The following APLF variants were observed in gnomAD, a reference collection of about 807,000 sequenced individuals.
APLF encodes the protein aprataxin and PNK-like factor.
Under a neutral mutation model 55.6 loss-of-function variants are expected in APLF, and 61 were observed. That is an observed-to-expected ratio of 1.10 (90% confidence interval 0.89 to 1.36). APLF has a LOEUF of 1.36. Among genes scored for constraint, APLF ranks in the 40% most tolerant of loss-of-function variants. The probability of loss-of-function intolerance (pLI) is 0.00; values close to 1 mark genes in which losing one functional copy is unlikely to be tolerated. For missense variants in APLF, 611 were observed against 602.5 expected, an observed-to-expected ratio of 1.01 and a Z score of -0.15; for synonymous variants, 207 against 214.8, an observed-to-expected ratio of 0.96 and a Z score of 0.32.
At chr2:68,478,017 G>A (rs994015868) in intron 1 of APLF, among the ~76,000 whole-genome samples, 112 of 151,748 alleles carry the variant, frequency 7.4e-4, no homozygotes, top group African/African-American at 2.7e-3. Context: ...AAAAAAAAAA[G>A]GTGATGTCTC....
chr2:68,530,755 G>GACAT (rs1311226984), intron 6 of APLF, among the ~76,000 whole-genome samples: 2 of 152,096 alleles, frequency 1.3e-5, no homozygotes, highest in Admixed American at 6.5e-5. Context: ...CCAAGAGAGG[G>GACAT]ACATACTCTT....
intron 7 of APLF, 33 bp from the exon 8 acceptor site, chr2:68,545,154 T>A: frequency 1.2e-6 from 2 of 1,607,388 alleles, no homozygotes; most frequent in Non-Finnish European, 1.7e-6. Flanking sequence ...ATCCTATTTT[T>A]TTTTTCTGAC....
rs774074263 is a variant in APLF at position 68,577,925 on chromosome 2, A to T, written c.1439A>T (p.Asp480Val). The T allele has an allele frequency of 1.9e-6, 3 of 1,613,590 alleles. No homozygotes were observed. Among genetic ancestry groups the T allele is most frequent in the Non-Finnish European group, 2.5e-6 (3 of 1,179,772 alleles). Reference protein sequence around the residue: ...DDEEEDYEPTDEDSDWEPGKE... With the variant: ...DDEEEDYEPTVEDSDWEPGKE... ...GAGGAAGAAGACTATGAGCCAACAG[A>T]TGAAGATTCTGACTGGGAACCAGGA... is the stretch of plus-strand genomic sequence containing the variant. The change falls in exon 10 of 10, where the codon GAT becomes GTT. Residue 480 changes from aspartate to valine, a missense_variant. Coordinates refer to ENST00000303795, the MANE Select transcript of APLF (RefSeq NM_173545.3).
At chr2:68,545,721 T>C (rs1018708226) in intron 8 of APLF, among the ~76,000 whole-genome samples, 1 of 152,194 alleles carries the variant, frequency 6.6e-6, no homozygotes, top group African/African-American at 2.4e-5. Context: ...AGTCCAATCC[T>C]AAAGGAAGAG....
intron 8 of APLF, chr2:68,562,998 C>T (rs1474214971): frequency 2.2e-6 from 2 of 889,500 alleles, no homozygotes; most frequent in African/African-American, 3.6e-5. Flanking sequence ...ATAAATACCC[C>T]AACAGCAAAT....
chr2:68,548,691 C>T (rs140492462), intron 8 of APLF, among the ~76,000 whole-genome samples: 132 of 152,058 alleles, frequency 8.7e-4, no homozygotes, highest in African/African-American at 3.1e-3. Context: ...AGCCACCTTT[C>T]ATAGCTCATG....
chr2:68,539,166 A>G (rs146365706), intron 7 of APLF, among the ~76,000 whole-genome samples: 15 of 152,338 alleles, frequency 9.8e-5, no homozygotes, highest in African/African-American at 3.1e-4. Flanking sequence ...TTTTGTATAT[A>G]TGCAATGGCT....
rs370716709 is a variant in APLF, at chr2:68,530,282, T to G, written c.804+4040T>G. The stretch of plus-strand genomic sequence containing the variant: ...CTGGGGTACTTAGCACCATGGCATA[T>G]CTGTAATAAGCACATGCACACCTCG... On this transcript the variant is annotated intron_variant, in intron 6 of 9. Transcript: ENST00000303795. Among the ~76,000 whole-genome samples, 5 of 152,322 alleles carry G rather than the reference T, an allele frequency of 3.3e-5. No homozygotes were observed. In the South Asian group the frequency reaches 6.2e-4, roughly 19 times the overall value.
chr2:68,496,792 A>T (rs1676562726), intron 2 of APLF, among the ~76,000 whole-genome samples: 1 of 152,142 alleles, frequency 6.6e-6, no homozygotes, highest in African/African-American at 2.4e-5. Flanking sequence ...TAAGTTCCTC[A>T]TTTCCATCTG....
At chr2:68,528,080 T>C (rs1276852191) in intron 6 of APLF, among the ~76,000 whole-genome samples, 2 of 151,944 alleles carry the variant, frequency 1.3e-5, no homozygotes, top group Non-Finnish European at 1.5e-5. Flanking sequence ...GCAGAGGCGC[T>C]CCTCACTTCC....
chr2:68,502,674 A>G (rs1676758361), intron 2 of APLF, 57 bp from the exon 3 acceptor site: 2 of 1,065,492 alleles, frequency 1.9e-6, no homozygotes, highest in African/African-American at 1.7e-5. Flanking sequence ...TTGAGTTACA[A>G]CATTATTGTA....
intron 5 of APLF, among the ~76,000 whole-genome samples, chr2:68,517,234 ATATATG>A (rs1669624971): frequency 9.1e-6 from 1 of 109,718 alleles, no homozygotes; most frequent in African/African-American, 4.0e-5. Context: ...AAATATATTA[ATATATG>A]TCATTACTAT....
At chr2:68,541,294 AATT>A (rs1670540207) in intron 7 of APLF, among the ~76,000 whole-genome samples, 1 of 152,142 alleles carries the variant, frequency 6.6e-6, no homozygotes, top group African/African-American at 2.4e-5. Flanking sequence ...AGTTGGACAA[AATT>A]AAAATTAAAA....
At chr2:68,560,505 A>G (rs1469766000) in intron 8 of APLF, among the ~76,000 whole-genome samples, 1 of 152,122 alleles carries the variant, frequency 6.6e-6, no homozygotes, top group African/African-American at 2.4e-5. Context: ...ATAAACTACT[A>G]TGTTCCTTAC....
chr2:68,512,435 C>CA (rs1669410766), intron 3 of APLF, among the ~76,000 whole-genome samples: 1 of 151,768 alleles, frequency 6.6e-6, no homozygotes. Flanking sequence ...TTCGAAAAGA[C>CA]AAATTCGTTG....
intron 1 of APLF, among the ~76,000 whole-genome samples, chr2:68,483,837 G>A (rs915495008): frequency 1.3e-5 from 2 of 152,002 alleles, no homozygotes; most frequent in African/African-American, 4.8e-5. Flanking sequence ...AGTTACATGA[G>A]AACATTGAAT....
intron 6 of APLF, among the ~76,000 whole-genome samples, chr2:68,537,471 G>A (rs141315896): frequency 5.9e-5 from 9 of 151,648 alleles, no homozygotes; most frequent in African/African-American, 1.9e-4. Flanking sequence ...AGGTTCAAGC[G>A]ATTCTCCTGC....
chr2:68,554,845 A>G (rs2104036854), intron 8 of APLF, among the ~76,000 whole-genome samples: 1 of 152,112 alleles, frequency 6.6e-6, no homozygotes, highest in South Asian at 2.1e-4. Flanking sequence ...TTCATATGGA[A>G]CTAAAACAAG....
In APLF at chr2:68,529,091, C is replaced by T. The variant is rs952972959; in HGVS notation, c.804+2849C>T. ...TTGAAGGTTAAACTTGCCTCTGAGA[C>T]GAGGGATCCTCACGGGGCTGAGGTA... On this transcript the variant is annotated intron_variant, in intron 6 of 9. Coordinates refer to ENST00000303795, the MANE Select transcript of APLF (RefSeq NM_173545.3). The surrounding 1 kb of genome is among the most constrained non-coding windows in gnomAD (Gnocchi z 4.4). 7.5e-5 allele frequency: 105 copies of T among 1,391,512 alleles called. No individual in the cohort carries two copies. Among genetic ancestry groups the T allele is most frequent in the East Asian group, 2.0e-4 (8 of 40,170 alleles). 86.2% of individuals were successfully genotyped at this position (1,391,512 alleles called of 1,614,324 possible).
Sources: allele counts gnomAD v4.1 joint callset (sites outside exome capture counted in the v4.1 genomes callset), GRCh38; gene constraint gnomAD v4.1.1; non-coding constraint Gnocchi (gnomAD v3.1); transcripts MANE v1.5; gene names NCBI Gene and HGNC (gene_info 2026-07-23, HGNC 2026-07-21).